SCN2A: variants seen among roughly 807,000 people sequenced by gnomAD.
SCN2A encodes the protein sodium voltage-gated channel alpha subunit 2, also known as sodium channel protein type 2 subunit alpha.
Under a neutral mutation model 188.7 loss-of-function variants are expected in SCN2A, and 20 were observed. That is an observed-to-expected ratio of 0.11 (90% CI 0.07 to 0.15). The LOEUF (loss-of-function observed/expected upper bound fraction) is 0.15. Among genes scored for constraint, SCN2A ranks in the 10% least tolerant of loss-of-function variants. SCN2A has a pLI of 1.00. For missense variants in SCN2A, 1,278 were observed against 2,445.0 expected (o/e 0.52, Z 10.07); for synonymous variants, 804 against 833.1 (o/e 0.97, Z 0.60).
At chr2:165,245,004 A>T (rs762713600) in intron 1 of SCN2A, among the ~76,000 whole-genome samples, 1 of 152,236 alleles carries the variant, frequency 6.6e-6, no homozygotes, top group Non-Finnish European at 1.5e-5. Flanking sequence ...TAATGTTATG[A>T]TAAGAGAAGA....
rs746461302 is a variant in SCN2A, at chr2:165,374,678, G to A, written c.3973-7G>A. ...TTCACTTATTTTTCCTTCTCATCCT[G>A]TGCCAGGTTGTTGTAAATGCTCTTT... On this transcript the variant is annotated splice_region_variant and splice_polypyrimidine_tract_variant and intron_variant, in intron 21 of 26. Coordinates refer to ENST00000375437, the MANE Select transcript of SCN2A (RefSeq NM_001040142.2). 6.2e-7 allele frequency: 1 copy of A among 1,612,562 alleles called. No homozygotes were observed. Among genetic ancestry groups the A allele is most frequent in the Non-Finnish European group, 8.5e-7 (1 of 1,179,226 alleles).
chr2:165,302,650 A>G (rs1696883343), intron 3 of SCN2A, among the ~76,000 whole-genome samples: 1 of 152,210 alleles, frequency 6.6e-6, no homozygotes, highest in South Asian at 2.1e-4. Context: ...CCACATTTAT[A>G]TAAGAAAACT....
Position 165,379,042 on chromosome 2 carries a change from G to A in SCN2A, c.4308+1392G>A, listed in dbSNP as rs144101601. Among the ~76,000 whole-genome samples the A allele has an allele frequency of 1.8e-3, 275 of 151,720 alleles. 1 individual carries two copies. Among genetic ancestry groups the A allele is most frequent in the Non-Finnish European group, 2.9e-3 (195 of 67,724 alleles). On this transcript the variant is annotated intron_variant, in intron 23 of 26. Coordinates refer to ENST00000375437, the MANE Select transcript of SCN2A (RefSeq NM_001040142.2). ...TTAAATAATCCTTTAAAAACAGTTG[G>A]GTATGATCACATTATTTGAGAAAGT...
chr2:165,326,136 G>T (rs1698346801), intron 12 of SCN2A, among the ~76,000 whole-genome samples: 1 of 151,848 alleles, frequency 6.6e-6, no homozygotes, highest in African/African-American at 2.4e-5. Flanking sequence ...TTCCACCCAT[G>T]TTGAAATCCT....
chr2:165,248,190 C>T (rs1693934417), intron 1 of SCN2A, among the ~76,000 whole-genome samples: 1 of 152,080 alleles, frequency 6.6e-6, no homozygotes. Context: ...CTCAATACGG[C>T]AAGACAGAAG....
In SCN2A at chr2:165,389,521, G is replaced by A. The variant is rs1365891163; in HGVS notation, c.5715G>A (p.Glu1905=). 2 of 1,613,860 alleles carry A rather than the reference G, an allele frequency of 1.2e-6. No individual in the cohort carries two copies. The highest frequency in any genetic ancestry group is 1.7e-6 in the Non-Finnish European group (2 of 1,179,972). ...CGACCACGTTGAAACGCAAACAAGA[G>A]GAGGTGTCTGCTATTATTATCCAGA... The part of the protein sequence containing the change: ...PITTTLKRKQ[E]EVSAIIIQRA... The change falls in exon 27 of 27, where the codon GAG becomes GAA. Residue 1905 remains glutamate, a synonymous_variant. Transcript: ENST00000375437. This position sits in a 1 kb window ranked among gnomAD's most constrained non-coding sequence, Gnocchi z 4.2.
chr2:165,332,563 C>T (rs1698749927), intron 14 of SCN2A, among the ~76,000 whole-genome samples: 1 of 151,996 alleles, frequency 6.6e-6, no homozygotes, highest in Admixed American at 6.6e-5. Flanking sequence ...AATGCTGTAT[C>T]AGACTCTGAA....
At chr2:165,353,287 A>C (rs1700020537) in intron 16 of SCN2A, among the ~76,000 whole-genome samples, 1 of 152,194 alleles carries the variant, frequency 6.6e-6, no homozygotes, top group Non-Finnish European at 1.5e-5. Flanking sequence ...TGTCTTAATA[A>C]AAATTGGGAC....
chr2:165,351,164 A>G (rs1699891146), intron 16 of SCN2A, among the ~76,000 whole-genome samples: 1 of 152,202 alleles, frequency 6.6e-6, no homozygotes, highest in South Asian at 2.1e-4. Context: ...CTCGAATTCT[A>G]AAATATGTGC....
chr2:165,326,424 A>G (rs1218137446), intron 12 of SCN2A, among the ~76,000 whole-genome samples: 5 of 152,232 alleles, frequency 3.3e-5, no homozygotes, highest in African/African-American at 1.2e-4. Context: ...ACTGATGCAT[A>G]TGAAGGAGAC....
chr2:165,308,850 A>G, intron 5 of SCN2A, 56 bp downstream of exon 5: 1 of 1,604,822 alleles, frequency 6.2e-7, no homozygotes, highest in African/African-American at 1.3e-5. Context: ...GTGGGAGCCT[A>G]TACTATATTT....
chr2:165,245,792 T>C (rs1693818130), intron 1 of SCN2A, among the ~76,000 whole-genome samples: 1 of 152,294 alleles, frequency 6.6e-6, no homozygotes. Flanking sequence ...CTTCTAAGGG[T>C]CAAGAAACTT....
At chr2:165,255,219 A>G (rs891439363) in intron 1 of SCN2A, among the ~76,000 whole-genome samples, 10 of 151,796 alleles carry the variant, frequency 6.6e-5, no homozygotes, top group African/African-American at 2.2e-4. Context: ...TATCAACTGC[A>G]GTTTTTCCCA....
At position 165,317,413 on chromosome 2, in the gene SCN2A, G is replaced by A. The variant is rs1168435955; in HGVS notation, c.1671+1655G>A. Among the ~76,000 whole-genome samples, 18 of 151,848 alleles carry A rather than the reference G, an allele frequency of 1.2e-4. 1 individual carries two copies. The East Asian group carries it at 3.5e-3, about 30-fold the overall frequency. ...AGGAAAAAAGGGAGCAAAGGAGGGAGGAAGATAGAGTATTTTTGCCTACAT... is the reference window on the plus strand; with the variant it reads ...AGGAAAAAAGGGAGCAAAGGAGGGAAGAAGATAGAGTATTTTTGCCTACAT... On this transcript the variant is annotated intron_variant, in intron 11 of 26. Coordinates refer to ENST00000375437, the MANE Select transcript of SCN2A (RefSeq NM_001040142.2).
chr2:165,316,604 C>T (rs1234432119), intron 11 of SCN2A, among the ~76,000 whole-genome samples: 1 of 152,104 alleles, frequency 6.6e-6, no homozygotes, highest in East Asian at 1.9e-4. Flanking sequence ...TATTTATACA[C>T]TGTGTTGTTA....
In SCN2A at chr2:165,265,471, C is replaced by CTATATATATATA. The variant is rs1178289931; in HGVS notation, c.-52+25865_-52+25876dup. Among the ~76,000 whole-genome samples, 189 of 28,980 alleles carry CTATATATATATA rather than the reference C, an allele frequency of 6.5e-3. 10 individuals carry two copies. The highest frequency in any genetic ancestry group is 8.4e-3 in the Non-Finnish European group (129 of 15,274). 19.0% of individuals were successfully genotyped at this position (28,980 alleles called of 152,430 possible). Reference sequence around the variant, plus strand: ...TAGGTTATGTGTTTACTCTGTTGATCTATATATATATATATATATATATAT... The same window carrying CTATATATATATA: ...TAGGTTATGTGTTTACTCTGTTGATCTATATATATATATATATATATATATATATATATATAT... On this transcript the variant is annotated intron_variant, in intron 1 of 26. Coordinates refer to ENST00000375437, the MANE Select transcript of SCN2A (RefSeq NM_001040142.2).
chr2:165,273,475 T>C (rs1290940390), intron 1 of SCN2A: 2 of 152,200 alleles, frequency 1.3e-5, no homozygotes, highest in Non-Finnish European at 2.9e-5. Context: ...ACTCAAGATC[T>C]TTTTTATAAA....
intron 13 of SCN2A, chr2:165,328,444 A>G (rs956755516): frequency 6.1e-6 from 6 of 983,728 alleles, no homozygotes; most frequent in African/African-American, 1.7e-5. Flanking sequence ...GCTCCTTGCC[A>G]TAGCAAAACC....
chr2:165,347,646 A>G (rs1166560571), intron 16 of SCN2A, among the ~76,000 whole-genome samples: 1 of 152,222 alleles, frequency 6.6e-6, no homozygotes, highest in Admixed American at 6.5e-5. Flanking sequence ...TCTTGAAGGC[A>G]TGGAGAAGTT....
Sources: allele counts gnomAD v4.1 joint callset (sites outside exome capture counted in the v4.1 genomes callset), GRCh38; gene constraint gnomAD v4.1.1; non-coding constraint Gnocchi (gnomAD v3.1); transcripts MANE v1.5; gene names NCBI Gene and HGNC (gene_info 2026-07-23, HGNC 2026-07-21).